The following DLG2 variants were observed in gnomAD, a reference collection of about 807,000 sequenced individuals.
DLG2 encodes disks large homolog 2.
A neutral mutation model predicts 132.5 loss-of-function variants in DLG2; 45 were observed. The observed-to-expected ratio is 0.34, with a 90% CI of 0.27 to 0.44. The LOEUF is 0.44. Among genes scored for constraint, DLG2 ranks in the 20% least tolerant of loss-of-function variants. The probability of loss-of-function intolerance (pLI) is 1.00; values close to 1 mark genes in which losing one functional copy is unlikely to be tolerated. For synonymous variants in DLG2, 424 were observed against 419.6 expected (o/e 1.01, Z -0.13); for missense variants, 1,045 against 1,196.9 (o/e 0.87, Z 1.87).
chr11:84,825,506 A>C (rs1195404857), intron 6 of DLG2, among the ~76,000 whole-genome samples: 1 of 151,948 alleles, frequency 6.6e-6, no homozygotes, highest in African/African-American at 2.4e-5. Context: ...AATTAAGTTC[A>C]GGAATGCCGT....
At chr11:84,905,352 T>G (rs2091382708) in intron 6 of DLG2, among the ~76,000 whole-genome samples, 1 of 152,208 alleles carries the variant, frequency 6.6e-6, no homozygotes, top group Non-Finnish European at 1.5e-5. Context: ...AATATCCGAA[T>G]GAAGTATCCA....
At chr11:83,829,462 G>T (rs994460492) in intron 17 of DLG2, among the ~76,000 whole-genome samples, 4 of 152,140 alleles carry the variant, frequency 2.6e-5, no homozygotes, top group African/African-American at 7.2e-5. Context: ...CTCCCAAAGT[G>T]CTGGGATTAT....
At chr11:83,606,046 C>T (rs2059290299) in intron 19 of DLG2, among the ~76,000 whole-genome samples, 1 of 152,176 alleles carries the variant, frequency 6.6e-6, no homozygotes, top group South Asian at 2.1e-4. Context: ...ACTCATTCCA[C>T]AGAGTCATCG....
At position 84,905,699 on chromosome 11, in the gene DLG2, TATA is replaced by T. The variant is rs559663342; in HGVS notation, c.357+205959_357+205961del. On this transcript the variant is annotated intron_variant, in intron 6 of 27. Coordinates refer to ENST00000376104, the MANE Select transcript of DLG2 (RefSeq NM_001142699.3). Reference sequence around the variant, plus strand: ...TCAAAAGTAAGCATGGGCTGACTTCTATAATAATCCATTTCTTGTATTTTTTAT... The same window carrying T: ...TCAAAAGTAAGCATGGGCTGACTTCTATAATCCATTTCTTGTATTTTTTAT... Among the ~76,000 whole-genome samples, 828 of 152,330 alleles carry T rather than the reference TATA, an allele frequency of 5.4e-3. 4 individuals carry two copies. The highest frequency in any genetic ancestry group is 9.2e-3 in the Non-Finnish European group (629 of 68,028).
intron 16 of DLG2, among the ~76,000 whole-genome samples, chr11:83,870,485 C>T (rs985650040): frequency 6.6e-5 from 10 of 152,170 alleles, no homozygotes; most frequent in African/African-American, 2.4e-4. Context: ...TGTATATATA[C>T]CACATTTTAT....
chr11:85,621,812 T>C (rs2081722179), intron 2 of DLG2, among the ~76,000 whole-genome samples: 1 of 152,214 alleles, frequency 6.6e-6, no homozygotes, highest in African/African-American at 2.4e-5. Context: ...TTGTTTGAAA[T>C]GGCAACAAAG....
At chr11:84,332,365 C>T (rs2098464382) in intron 7 of DLG2, among the ~76,000 whole-genome samples, 1 of 151,974 alleles carries the variant, frequency 6.6e-6, no homozygotes, top group Admixed American at 6.6e-5. Context: ...GCGCCCGCCA[C>T]CACGCCCGGC....
At chr11:85,412,894 G>T (rs778550338) in intron 3 of DLG2, among the ~76,000 whole-genome samples, 2 of 151,136 alleles carry the variant, frequency 1.3e-5, no homozygotes, top group Non-Finnish European at 3.0e-5. Context: ...TATCTTTTTC[G>T]TATAATGATT....
chr11:83,816,619 C>G (rs1487905840), intron 17 of DLG2, among the ~76,000 whole-genome samples: 3 of 152,092 alleles, frequency 2.0e-5, no homozygotes, highest in Non-Finnish European at 4.4e-5. Context: ...GAATTCCACA[C>G]TAGAAAGGTA....
chr11:83,753,818 A>G (rs2093471710), intron 18 of DLG2, among the ~76,000 whole-genome samples: 1 of 70,368 alleles, frequency 1.4e-5, no homozygotes. Flanking sequence ...TATCATATAT[A>G]TATTTCATAT....
chr11:83,959,681 T>A (rs762457677), intron 14 of DLG2, among the ~76,000 whole-genome samples: 2 of 152,100 alleles, frequency 1.3e-5, no homozygotes, highest in Non-Finnish European at 2.9e-5. Flanking sequence ...ACTGACTTGT[T>A]CAGAGTTATC....
At chr11:84,523,406 T>C (rs2099310536) in intron 7 of DLG2, among the ~76,000 whole-genome samples, 1 of 152,200 alleles carries the variant, frequency 6.6e-6, no homozygotes, top group Non-Finnish European at 1.5e-5. Context: ...CTAAAGCCCA[T>C]CTGCTTTCCA....
chr11:83,485,906 G>C lies in DLG2; in HGVS notation c.2194-1678C>G, dbSNP rs145674260. 1.1e-3 allele frequency among the ~76,000 whole-genome samples: 170 copies of C among 152,146 alleles called. 1 individual carries two copies. The highest frequency in any genetic ancestry group is 3.9e-3 in the African/African-American group (161 of 41,506). ...AGTAGAAACTTTCAGCAAAGTAGTA[G>C]AGCTCAATTGTATGCCCATTAATAA... On this transcript the variant is annotated intron_variant, in intron 21 of 27. Coordinates refer to ENST00000376104, the MANE Select transcript of DLG2 (RefSeq NM_001142699.3).
At chr11:83,778,000 G>A (rs716865) in intron 18 of DLG2, among the ~76,000 whole-genome samples, 33,347 of 152,066 alleles carry the variant, frequency 0.22, 4,703 homozygotes, top group African/African-American at 0.4. Context: ...TAAAGTTGCA[G>A]AGTGAGGGAC....
intron 6 of DLG2, among the ~76,000 whole-genome samples, chr11:84,704,902 A>G (rs1320641410): frequency 1.3e-5 from 2 of 148,884 alleles, no homozygotes; most frequent in African/African-American, 4.9e-5. Flanking sequence ...GTATATATAC[A>G]CATATATATA....
At chr11:84,422,266 T>C (rs1418344999) in intron 7 of DLG2, among the ~76,000 whole-genome samples, 1 of 152,248 alleles carries the variant, frequency 6.6e-6, no homozygotes, top group Non-Finnish European at 1.5e-5. Flanking sequence ...GCTCGTGATT[T>C]ACCTCTAGTA....
chr11:83,929,361 C>T (rs970306045), intron 15 of DLG2, among the ~76,000 whole-genome samples: 2 of 152,308 alleles, frequency 1.3e-5, no homozygotes, highest in East Asian at 1.9e-4. Flanking sequence ...ACTATATAGA[C>T]ACCCCATTCT....
intron 3 of DLG2, among the ~76,000 whole-genome samples, chr11:85,323,006 T>C (rs770360358): frequency 6.6e-6 from 1 of 152,230 alleles, no homozygotes; most frequent in Non-Finnish European, 1.5e-5. Flanking sequence ...TTAATGACTG[T>C]TCATTGCATT....
intron 6 of DLG2, among the ~76,000 whole-genome samples, chr11:84,685,913 T>G (rs1335147358): frequency 6.6e-6 from 1 of 152,166 alleles, no homozygotes; most frequent in Non-Finnish European, 1.5e-5. Context: ...GGTCTCGATC[T>G]CTTGACCTCG....
Sources: allele counts gnomAD v4.1 joint callset (sites outside exome capture counted in the v4.1 genomes callset), GRCh38; gene constraint gnomAD v4.1.1; transcripts MANE v1.5; gene names NCBI Gene and HGNC (gene_info 2026-07-23, HGNC 2026-07-21).